The following PDE11A variants were observed in gnomAD, a reference collection of about 807,000 sequenced individuals.
PDE11A encodes phosphodiesterase 11A.
In PDE11A, 100 loss-of-function variants were observed where a neutral mutation model predicts 100.5. That is an observed-to-expected ratio of 1.00 (90% CI 0.85 to 1.18). The LOEUF (loss-of-function observed/expected upper bound fraction) is 1.18, where lower values mean the gene tolerates loss of function less well. Ranked by LOEUF, PDE11A falls within the 50% of genes most tolerant of loss-of-function variation. The pLI is 0.00. For missense variants in PDE11A, 1,141 were observed against 1,152.6 expected (o/e 0.99, Z 0.15); for synonymous variants, 381 against 420.8 (o/e 0.91, Z 1.16).
chr2:178,049,384 C>T (rs2086792984), intron 1 of PDE11A, among the ~76,000 whole-genome samples: 2 of 152,106 alleles, frequency 1.3e-5, no homozygotes, highest in African/African-American at 4.8e-5. Flanking sequence ...TCCAAGGTGG[C>T]CAAATAGGAA....
intron 1 of PDE11A, among the ~76,000 whole-genome samples, chr2:178,032,573 T>G (rs1243409747): frequency 6.6e-6 from 1 of 151,972 alleles, no homozygotes; most frequent in African/African-American, 2.4e-5. Flanking sequence ...CCTCCTCAAG[T>G]GGGTCCCTGA....
At chr2:178,007,265 G>A (rs1252957719) in intron 2 of PDE11A, among the ~76,000 whole-genome samples, 1 of 151,938 alleles carries the variant, frequency 6.6e-6, no homozygotes, top group Non-Finnish European at 1.5e-5. Context: ...AACTATATTG[G>A]CCTTCTAAAG....
chr2:177,859,112 G>C (rs2083897446), intron 5 of PDE11A, among the ~76,000 whole-genome samples: 3 of 152,070 alleles, frequency 2.0e-5, no homozygotes, highest in Admixed American at 2.0e-4. Flanking sequence ...GGGGGGATCG[G>C]GGAGGGATAG....
intron 9 of PDE11A, among the ~76,000 whole-genome samples, chr2:177,781,807 C>G (rs1410744974): frequency 1.3e-5 from 2 of 152,150 alleles, no homozygotes; most frequent in Non-Finnish European, 2.9e-5. Flanking sequence ...CAGCTGAATT[C>G]TCTTTTAATT....
intron 2 of PDE11A, among the ~76,000 whole-genome samples, chr2:178,096,003 C>T (rs1265151232): frequency 6.6e-6 from 1 of 152,118 alleles, no homozygotes; most frequent in Non-Finnish European, 1.5e-5. Flanking sequence ...AGGTCTCAGG[C>T]CTGCAATTGG....
At chr2:177,640,877 C>T (rs1488594243) in intron 19 of PDE11A, among the ~76,000 whole-genome samples, 1 of 152,238 alleles carries the variant, frequency 6.6e-6, no homozygotes, top group Non-Finnish European at 1.5e-5. Context: ...ATCCATGGGT[C>T]ATCCATGACA....
At chr2:177,790,325 T>A (rs2105533837) in intron 9 of PDE11A, among the ~76,000 whole-genome samples, 1 of 151,804 alleles carries the variant, frequency 6.6e-6, no homozygotes, top group African/African-American at 2.4e-5. Context: ...CTGGGAAAAC[T>A]GGCTAGACAT....
At chr2:177,795,594 G>C (rs1445430961) in intron 9 of PDE11A, among the ~76,000 whole-genome samples, 2 of 152,000 alleles carry the variant, frequency 1.3e-5, no homozygotes, top group Admixed American at 6.6e-5. Flanking sequence ...GCCTTCTTGG[G>C]TACCTAAAGT....
chr2:177,958,408 T>G (rs1243373049), intron 2 of PDE11A, among the ~76,000 whole-genome samples: 1 of 152,200 alleles, frequency 6.6e-6, no homozygotes, highest in African/African-American at 2.4e-5. Flanking sequence ...CAATTTTATT[T>G]AACTGTTGAA....
At chr2:178,051,206 AT>A (rs1461066222) in intron 1 of PDE11A, among the ~76,000 whole-genome samples, 1 of 152,240 alleles carries the variant, frequency 6.6e-6, no homozygotes, top group East Asian at 1.9e-4. Context: ...AATATTCAAC[AT>A]TCTTAAAGAA....
intron 6 of PDE11A, among the ~76,000 whole-genome samples, chr2:177,820,802 C>T (rs1156656578): frequency 1.3e-5 from 2 of 151,508 alleles, no homozygotes; most frequent in East Asian, 1.9e-4. Flanking sequence ...AATCTAGATA[C>T]AAAAAAGGTA....
exon 2 of PDE11A, chr2:178,104,460 G>A: frequency 6.2e-7 from 1 of 1,613,810 alleles, no homozygotes; most frequent in Non-Finnish European, 8.5e-7. Context: ...GCCTGCTTCA[G>A]CATCTCCCAT....
intron 9 of PDE11A, among the ~76,000 whole-genome samples, chr2:177,798,187 T>C (rs1190739201): frequency 6.6e-6 from 1 of 152,226 alleles, no homozygotes; most frequent in African/African-American, 2.4e-5. Flanking sequence ...CTGCTACCTG[T>C]CACTCTGAAA....
intron 10 of PDE11A, among the ~76,000 whole-genome samples, chr2:177,740,877 T>A (rs930932809): frequency 4.6e-5 from 7 of 152,218 alleles, no homozygotes; most frequent in Non-Finnish European, 1.0e-4. Context: ...GGCAAGTAAT[T>A]AATAAATGTG....
chr2:178,089,118 T>A (rs1249610762), intron 2 of PDE11A, among the ~76,000 whole-genome samples: 1 of 152,250 alleles, frequency 6.6e-6, no homozygotes, highest in East Asian at 1.9e-4. Context: ...AAGGAATTTA[T>A]TATAGGAATT....
At chr2:178,061,204 A>T (rs2086964995) in intron 1 of PDE11A, among the ~76,000 whole-genome samples, 1 of 152,044 alleles carries the variant, frequency 6.6e-6, no homozygotes, top group Non-Finnish European at 1.5e-5. Flanking sequence ...TTCTTGCCAA[A>T]TTATCCTATA....
At chr2:177,837,799 G>A (rs1474726043) in intron 6 of PDE11A, among the ~76,000 whole-genome samples, 1 of 152,180 alleles carries the variant, frequency 6.6e-6, no homozygotes, top group East Asian at 1.9e-4. Flanking sequence ...TTTCACCTGT[G>A]AGGTTACTTT....
chr2:177,745,823 GTCC>G (rs962889444), intron 10 of PDE11A, among the ~76,000 whole-genome samples: 18 of 152,238 alleles, frequency 1.2e-4, no homozygotes, highest in African/African-American at 4.3e-4. Context: ...GGCGGGCTGA[GTCC>G]TCCTCCACTC....
chr2:178,064,652 TAA>T (rs77529888), intron 1 of PDE11A, among the ~76,000 whole-genome samples: 5 of 138,808 alleles, frequency 3.6e-5, no homozygotes, highest in Admixed American at 7.2e-5. Flanking sequence ...GTTATTATGT[TAA>T]AAAAAAAAAA....
Sources: gnomAD v4.1 joint callset for allele counts (sites outside exome capture counted in the v4.1 genomes callset) on GRCh38, gnomAD v4.1.1 for gene constraint, MANE v1.5 for transcripts, NCBI Gene and HGNC (gene_info 2026-07-23, HGNC 2026-07-21) for gene names.